Variants in STYK1 observed in about 807,000 individuals in gnomAD.
The protein encoded by STYK1 is STY kinase 1, also known as tyrosine-protein kinase STYK1.
Under a neutral mutation model 48.1 loss-of-function variants are expected in STYK1, and 46 were observed. The ratio of observed to expected loss-of-function variants is 0.96; its 90% CI spans 0.75 to 1.22. STYK1 has a LOEUF of 1.22. Ranked by LOEUF, STYK1 falls within the 50% of genes most tolerant of loss-of-function variation. The probability of loss-of-function intolerance (pLI) is 0.00; values close to 1 mark genes in which losing one functional copy is unlikely to be tolerated. For missense variants in STYK1, 527 were observed against 521.1 expected, an observed-to-expected ratio of 1.01 and a Z score of -0.11; for synonymous variants, 188 against 189.0, an observed-to-expected ratio of 0.99 and a Z score of 0.04.
intron 6 of STYK1, 58 bp downstream of exon 6, chr12:10,629,435 A>C (rs747889013): frequency 6.4e-7 from 1 of 1,569,178 alleles, no homozygotes; most frequent in South Asian, 1.1e-5. Flanking sequence ...CTGACATGTA[A>C]AAAGCTAGTC....
intron 1 of STYK1, among the ~76,000 whole-genome samples, chr12:10,669,186 A>G (rs956151967): frequency 6.6e-6 from 1 of 152,218 alleles, no homozygotes; most frequent in Non-Finnish European, 1.5e-5. Context: ...TCTGCAAGAA[A>G]TTTTTATAGA....
At chr12:10,652,542 C>T (rs1175520684) in intron 1 of STYK1, among the ~76,000 whole-genome samples, 4 of 152,206 alleles carry the variant, frequency 2.6e-5, no homozygotes, top group African/African-American at 9.6e-5. Context: ...AGGCGCAAGG[C>T]CATCTCTTCT....
intron 1 of STYK1, among the ~76,000 whole-genome samples, chr12:10,664,856 T>G (rs1213143159): frequency 6.6e-6 from 1 of 152,212 alleles, no homozygotes; most frequent in Non-Finnish European, 1.5e-5. Flanking sequence ...AACTGGAATA[T>G]TTTTCCAAAT....
chr12:10,649,639 C>A (rs1947637844), intron 1 of STYK1, among the ~76,000 whole-genome samples: 1 of 152,038 alleles, frequency 6.6e-6, no homozygotes, highest in Admixed American at 6.5e-5. Flanking sequence ...ATGAATTAAG[C>A]CTTAGTTATT....
At chr12:10,625,977 G>T (rs1167058975) in intron 7 of STYK1, among the ~76,000 whole-genome samples, 1 of 152,060 alleles carries the variant, frequency 6.6e-6, no homozygotes, top group African/African-American at 2.4e-5. Context: ...CCTATTCAAG[G>T]CATAAGAAGA....
intron 1 of STYK1, among the ~76,000 whole-genome samples, chr12:10,657,860 T>C (rs988716422): frequency 6.6e-6 from 1 of 152,236 alleles, no homozygotes; most frequent in African/African-American, 2.4e-5. Flanking sequence ...TTGAGACTAC[T>C]GGAAAAACAG....
chr12:10,663,457 G>C (rs1208175253), intron 1 of STYK1, among the ~76,000 whole-genome samples: 1 of 151,904 alleles, frequency 6.6e-6, no homozygotes, highest in East Asian at 1.9e-4. Flanking sequence ...AAATTAGCCA[G>C]GCGCGGTGAC....
intron 1 of STYK1, among the ~76,000 whole-genome samples, chr12:10,644,291 A>C (rs1443594883): frequency 6.6e-6 from 1 of 152,240 alleles, no homozygotes; most frequent in Non-Finnish European, 1.5e-5. Context: ...ATGTGATAAA[A>C]TATCAAAGAA....
intron 2 of STYK1, 58 bp from the exon 3 acceptor site, chr12:10,634,744 A>T: frequency 8.9e-7 from 1 of 1,117,424 alleles, no homozygotes; most frequent in East Asian, 2.5e-5. Flanking sequence ...TAAATGAAGT[A>T]CACACAGAAT....
At chr12:10,659,763 T>G (rs1206444787) in intron 1 of STYK1, among the ~76,000 whole-genome samples, 1 of 152,228 alleles carries the variant, frequency 6.6e-6, no homozygotes, top group Non-Finnish European at 1.5e-5. Context: ...TTATTCTTGC[T>G]GAACTTCATA....
At chr12:10,634,158 T>TGAA (rs3059686) in intron 3 of STYK1, 34 bp from the exon 4 acceptor site, 1,578,911 of 1,594,478 alleles carry the variant, frequency 0.99, 782,947 homozygotes, top group East Asian at 1. Flanking sequence ...GAGAAGAGAA[T>TGAA]GAAGAAGCCT....
intron 1 of STYK1, among the ~76,000 whole-genome samples, chr12:10,644,410 T>A (rs928635220): frequency 7.2e-5 from 11 of 152,238 alleles, no homozygotes; most frequent in African/African-American, 2.7e-4. Flanking sequence ...ATAATTTGGA[T>A]AATTTACTAC....
chr12:10,669,040 G>A (rs1206730257), intron 1 of STYK1, among the ~76,000 whole-genome samples: 1 of 152,016 alleles, frequency 6.6e-6, no homozygotes, highest in East Asian at 1.9e-4. Context: ...AACCTTCATG[G>A]GAATAAAAGT....
chr12:10,641,601 G>A (rs1000904702), intron 1 of STYK1, among the ~76,000 whole-genome samples: 2 of 152,166 alleles, frequency 1.3e-5, no homozygotes, highest in African/African-American at 2.4e-5. Context: ...TGAGTCCCAG[G>A]CCCAGGCAGA....
At chr12:10,663,615 A>G (rs1947802086) in intron 1 of STYK1, among the ~76,000 whole-genome samples, 1 of 134,456 alleles carries the variant, frequency 7.4e-6, no homozygotes, top group East Asian at 2.0e-4. Context: ...AAAAAAAAAA[A>G]AAAAAAAAAA....
At position 10,621,882 on chromosome 12, in the gene STYK1, T is replaced by A. The variant is rs751182051; in HGVS notation, c.1058A>T (p.His353Leu). The A allele has an allele frequency of 1.2e-6, 2 of 1,613,734 alleles. No individual in the cohort carries two copies. Among genetic ancestry groups the A allele is most frequent in the East Asian group, 4.5e-5 (2 of 44,856 alleles). The change falls in exon 10 of 11, where the codon CAT becomes CTT. Residue 353 changes from histidine to leucine, a missense_variant. Transcript: ENST00000075503. ...KIMKRPSSCT[H>L]TMYSIMKSCW... ...GCCTTTAAAAACCACTTACATGGTATGTGTGCAGCTACTGGGTCTCTTCAT... is the reference window on the plus strand; with the variant it reads ...GCCTTTAAAAACCACTTACATGGTAAGTGTGCAGCTACTGGGTCTCTTCAT...
chr12:10,634,723 A>T (rs755115644), intron 2 of STYK1, 37 bp from the exon 3 acceptor site: 23 of 1,321,724 alleles, frequency 1.7e-5, no homozygotes, highest in Non-Finnish European at 2.4e-5. Context: ...AATAAAATGA[A>T]TGAAAAAAAA....
At chr12:10,653,735 A>G (rs1565570960) in intron 1 of STYK1, among the ~76,000 whole-genome samples, 1 of 152,210 alleles carries the variant, frequency 6.6e-6, no homozygotes. Context: ...GTTTAAAGCA[A>G]AGGTATATGA....
chr12:10,622,237 A>G (rs111317234), intron 9 of STYK1, among the ~76,000 whole-genome samples: 2,450 of 152,280 alleles, frequency 0.016, 55 homozygotes, highest in African/African-American at 0.057. Flanking sequence ...AGTAAGACAT[A>G]AGACCTGTCC....
Sources: allele counts gnomAD v4.1 joint callset (sites outside exome capture counted in the v4.1 genomes callset), GRCh38; gene constraint gnomAD v4.1.1; transcripts MANE v1.5; gene names NCBI Gene and HGNC (gene_info 2026-07-23, HGNC 2026-07-21).